Variants in RFX8 observed in about 807,000 individuals in gnomAD.
The protein encoded by RFX8 is regulatory factor X8.
A neutral mutation model predicts 54.6 loss-of-function variants in RFX8; 46 were observed. The observed-to-expected ratio is 0.84, with a 90% CI of 0.67 to 1.08. RFX8 has a LOEUF of 1.08. Ranked by LOEUF, RFX8 falls within the 50% of genes least tolerant of loss-of-function variation. RFX8 has a pLI of 0.00. For synonymous variants in RFX8, 192 were observed against 209.5 expected (o/e 0.92, Z 0.72); for missense variants, 536 against 562.3 (o/e 0.95, Z 0.47).
chr2:101,460,799 T>A (rs1689228354), intron 2 of RFX8, among the ~76,000 whole-genome samples: 1 of 151,438 alleles, frequency 6.6e-6, no homozygotes, highest in African/African-American at 2.4e-5. Context: ...ATGTGAACCA[T>A]TTTTCCTCTT....
intron 2 of RFX8, among the ~76,000 whole-genome samples, chr2:101,459,468 G>A (rs1372809086): frequency 1.3e-5 from 2 of 152,136 alleles, no homozygotes; most frequent in Non-Finnish European, 2.9e-5. Context: ...TAACAGTCAG[G>A]CCCCTCAGCT....
At chr2:101,474,001 G>A (rs1012730289) in intron 1 of RFX8, among the ~76,000 whole-genome samples, 11 of 152,296 alleles carry the variant, frequency 7.2e-5, no homozygotes, top group African/African-American at 2.4e-4. Flanking sequence ...CGCCGATTCG[G>A]GCCCGGGGCT....
Position 101,402,578 on chromosome 2 carries a change from A to G in RFX8, c.1103T>C (p.Leu368Pro). 6.4e-7 allele frequency: 1 copy of G among 1,551,966 alleles called. No homozygotes were observed. The highest frequency in any genetic ancestry group is 8.7e-7 in the Non-Finnish European group (1 of 1,147,060). Reference protein sequence around the residue: ...QALFHSLNSSLSQACASPSME... With the variant: ...QALFHSLNSSPSQACASPSME... ...GCTGGGGCTGGCACACGCCTGCGAC[A>G]GTGAGGAATTCAGAGAATGGAAAAG... is the stretch of plus-strand genomic sequence containing the variant. The change falls in exon 11 of 12, where the codon CTG becomes CCG. Residue 368 changes from leucine (L) to proline (P), a missense_variant. By Grantham distance (98) the Leu-to-Pro change is moderately conservative. Transcript: ENST00000428343.
intron 2 of RFX8, among the ~76,000 whole-genome samples, chr2:101,462,202 T>G (rs1573481822): frequency 6.6e-6 from 1 of 152,122 alleles, no homozygotes. Context: ...GAGACGCAGG[T>G]GCATTGCTTA....
At chr2:101,448,372 C>T (rs187239306) in intron 2 of RFX8, among the ~76,000 whole-genome samples, 9 of 152,296 alleles carry the variant, frequency 5.9e-5, no homozygotes, top group Non-Finnish European at 1.0e-4. Context: ...CTGTACAGGA[C>T]GAAGCCCATG....
At chr2:101,468,448 T>G (rs1689704976) in intron 1 of RFX8, among the ~76,000 whole-genome samples, 1 of 152,086 alleles carries the variant, frequency 6.6e-6, no homozygotes, top group Admixed American at 6.6e-5. Flanking sequence ...AATTTTATTG[T>G]TTTTCTTTTT....
At chr2:101,405,802 T>C (rs2104525561) in intron 10 of RFX8, 141 bp downstream of exon 10, 2 of 483,072 alleles carry the variant, frequency 4.1e-6, no homozygotes, top group East Asian at 6.7e-5. Flanking sequence ...TGTTGTATGG[T>C]TTGCTGTATC....
At chr2:101,431,114 C>T (rs1687457979) in intron 2 of RFX8, among the ~76,000 whole-genome samples, 1 of 65,706 alleles carries the variant, frequency 1.5e-5, no homozygotes, top group South Asian at 5.8e-4. Context: ...ATTCATTCAT[C>T]CATCCATCCA....
At chr2:101,400,007 T>A (rs1685340465) in intron 11 of RFX8, among the ~76,000 whole-genome samples, 1 of 152,144 alleles carries the variant, frequency 6.6e-6, no homozygotes, top group African/African-American at 2.4e-5. Flanking sequence ...TTGGGAAAAT[T>A]ACCCAACCCC....
Position 101,414,846 on chromosome 2 carries a change from A to G in RFX8, c.561+8T>C, listed in dbSNP as rs1324516973. ...TTGTTCCCTCCTATCTGCTTGGCTG[A>G]AGCCTACCTTAGCCATGTTGGAAAG... On this transcript the variant is annotated splice_region_variant and intron_variant, in intron 7 of 11. Transcript: ENST00000428343. 1.3e-6 allele frequency: 2 copies of G among 1,547,764 alleles called. No homozygotes were observed. Among genetic ancestry groups the G allele is most frequent in the Admixed American group, 3.9e-5 (2 of 50,956 alleles).
chr2:101,409,743 T>A, intron 9 of RFX8, among the ~76,000 whole-genome samples: 1 of 151,918 alleles, frequency 6.6e-6, no homozygotes, highest in African/African-American at 2.4e-5. Context: ...CATGTGATCC[T>A]CCTGCCTGGG....
intron 2 of RFX8, among the ~76,000 whole-genome samples, chr2:101,461,934 G>A (rs1399933762): frequency 6.6e-6 from 1 of 152,128 alleles, no homozygotes; most frequent in Non-Finnish European, 1.5e-5. Flanking sequence ...TCTGGGGTAG[G>A]AATGTTATGA....
chr2:101,426,470 G>C (rs1016193298), intron 2 of RFX8, among the ~76,000 whole-genome samples: 3 of 152,202 alleles, frequency 2.0e-5, no homozygotes, highest in Non-Finnish European at 4.4e-5. Flanking sequence ...AGTGAGCTGT[G>C]ATCGTGCCAC....
chr2:101,405,615 G>T (rs1337805282), intron 10 of RFX8, among the ~76,000 whole-genome samples: 1 of 152,036 alleles, frequency 6.6e-6, no homozygotes, highest in Non-Finnish European at 1.5e-5. Flanking sequence ...GTGCTTCAAA[G>T]AACCCATTTT....
chr2:101,429,321 G>T (rs1196308265), intron 2 of RFX8, among the ~76,000 whole-genome samples: 3 of 152,158 alleles, frequency 2.0e-5, no homozygotes, highest in Non-Finnish European at 4.4e-5. Context: ...TCATGAACGT[G>T]AATTCTTATT....
chr2:101,448,926 G>A (rs1173655002), intron 2 of RFX8, among the ~76,000 whole-genome samples: 1 of 152,202 alleles, frequency 6.6e-6, no homozygotes, highest in African/African-American at 2.4e-5. Context: ...TTGTATGGAT[G>A]GACAGTGGTC....
At chr2:101,441,061 G>A (rs1037667531) in intron 2 of RFX8, among the ~76,000 whole-genome samples, 1 of 147,756 alleles carries the variant, frequency 6.8e-6, no homozygotes, top group Non-Finnish European at 1.5e-5. Context: ...CTGCCTCCCA[G>A]GTTCATGCCA....
intron 11 of RFX8, among the ~76,000 whole-genome samples, chr2:101,401,827 T>C (rs1685459467): frequency 1.3e-5 from 2 of 152,126 alleles, no homozygotes; most frequent in Admixed American, 1.3e-4. Context: ...CAATCTCTGT[T>C]CCACTATTTC....
intron 2 of RFX8, among the ~76,000 whole-genome samples, chr2:101,437,279 A>G (rs1339232245): frequency 6.6e-6 from 1 of 152,090 alleles, no homozygotes. Context: ...CTTACAAAAA[A>G]AATAAAAATA....
Sources: gnomAD v4.1 joint callset for allele counts (sites outside exome capture counted in the v4.1 genomes callset) on GRCh38, gnomAD v4.1.1 for gene constraint, MANE v1.5 for transcripts, NCBI Gene and HGNC (gene_info 2026-07-23, HGNC 2026-07-21) for gene names.